STIL: variants seen among roughly 807,000 people sequenced by gnomAD.
STIL encodes SCL-interrupting locus protein.
Under a neutral mutation model 110.1 loss-of-function variants are expected in STIL, and 55 were observed. That is an observed-to-expected ratio of 0.50 (90% CI 0.40 to 0.63). The LOEUF is 0.63. Ranked by LOEUF, STIL falls within the 20% of genes least tolerant of loss-of-function variation. The pLI is 0.00. For synonymous variants in STIL, 481 were observed against 530.0 expected, an observed-to-expected ratio of 0.91 and a Z score of 1.27; for missense variants, 1,358 against 1,530.0, an observed-to-expected ratio of 0.89 and a Z score of 1.87.
rs1189196063 is a variant in STIL, at chr1:47,269,644, G to C, written c.2606C>G (p.Ser869Cys). 6.2e-7 allele frequency: 1 copy of C among 1,614,066 alleles called. No homozygotes were observed. Among genetic ancestry groups the C allele is most frequent in the Non-Finnish European group, 8.5e-7 (1 of 1,179,942 alleles). ...ATCAAAGAGACCTTACTTGGATACA[G>C]AAAGTGGCTGGTTAAATTCTTCTTC... Reference protein sequence around the residue: ...AVEEEFNQPLSVSNSSSLVVR... With the variant: ...AVEEEFNQPLCVSNSSSLVVR... The change falls in exon 14 of 17, where the codon TCT (serine) becomes TGT (cysteine). Residue 869 changes from serine to cysteine, a missense_variant. Physicochemically the swap from Ser to Cys is moderately radical, Grantham distance 112. Coordinates refer to ENST00000371877, the MANE Select transcript of STIL (RefSeq NM_001048166.1).
At chr1:47,312,376 C>A (rs1192353919) in intron 1 of STIL, among the ~76,000 whole-genome samples, 1 of 151,856 alleles carries the variant, frequency 6.6e-6, no homozygotes, top group Admixed American at 6.6e-5. Flanking sequence ...TGTAGTGAAC[C>A]CGGGAGGCGG....
At chr1:47,300,571 G>A (rs1019304884) in intron 5 of STIL, among the ~76,000 whole-genome samples, 1 of 152,020 alleles carries the variant, frequency 6.6e-6, no homozygotes, top group East Asian at 1.9e-4. Context: ...CGGTTCAAGC[G>A]ATTCTCCTGC....
chr1:47,306,054 A>T (rs1645953153), intron 2 of STIL, among the ~76,000 whole-genome samples: 1 of 152,128 alleles, frequency 6.6e-6, no homozygotes, highest in Non-Finnish European at 1.5e-5. Flanking sequence ...TTAAAAAAGA[A>T]AATTCACTTG....
rs372087609 is a variant in STIL at position 47,282,491 on chromosome 1, T to G, written c.1134-32A>C. 4 of 1,331,680 alleles carry G rather than the reference T, an allele frequency of 3.0e-6. No individual in the cohort carries two copies. The African/African-American group carries it at 4.3e-5, about 14-fold the overall frequency. 82.5% of individuals were successfully genotyped at this position (1,331,680 alleles called of 1,614,324 possible). A position where few individuals can be genotyped will look rare whatever the true frequency, so the allele number is the denominator to read the frequency against. On this transcript the variant is annotated intron_variant, in intron 10 of 16. Coordinates refer to ENST00000371877, the MANE Select transcript of STIL (RefSeq NM_001048166.1). ...AATAGAAGGGGAGACCAGAAAAGCC[T>G]TTGGTAATCCAGTGTTTTCTTTCTT...
At position 47,300,475 on chromosome 1, in the gene STIL, T is replaced by C. The variant is rs3122614; in HGVS notation, c.454-323A>G. The stretch of plus-strand genomic sequence containing the variant: ...GGGAAAAAATGGACATAAAATAATT[T>C]TTTTTTTTTTGAGAAGGAGTCTCGT... On this transcript the variant is annotated intron_variant, in intron 5 of 16. Coordinates refer to ENST00000371877, the MANE Select transcript of STIL (RefSeq NM_001048166.1). Among the ~76,000 whole-genome samples the C allele has an allele frequency of 0.087, 7,167 of 82,488 alleles. 574 individuals carry two copies. Among genetic ancestry groups the C allele is most frequent in the African/African-American group, 0.33 (6,667 of 20,152 alleles). 54.1% of individuals were successfully genotyped at this position (82,488 alleles called of 152,430 possible).
At chr1:47,284,129 C>G (rs970336385) in intron 10 of STIL, 1 of 152,136 alleles carries the variant, frequency 6.6e-6, no homozygotes, top group African/African-American at 2.4e-5. Context: ...AACTCCTGAC[C>G]TCAGGTGATC....
intron 8 of STIL, among the ~76,000 whole-genome samples, chr1:47,290,371 TTA>T (rs1198751692): frequency 1.1e-4 from 17 of 152,252 alleles, no homozygotes; most frequent in African/African-American, 2.4e-5. Context: ...GTATTTTACA[TTA>T]TATATATAGA....
intron 14 of STIL, among the ~76,000 whole-genome samples, chr1:47,265,783 C>CAAAAAAAAAAAAAAAAAAAAAAA (rs1179019596): frequency 1.5e-5 from 1 of 65,606 alleles, no homozygotes; most frequent in Non-Finnish European, 2.7e-5. Context: ...AAGACTGTCT[C>CAAAAAAAAAAAAAAAAAAAAAAA]AAAAAAAAAA....
chr1:47,275,801 A>C (rs971024179), intron 12 of STIL, among the ~76,000 whole-genome samples: 2 of 151,542 alleles, frequency 1.3e-5, no homozygotes, highest in Non-Finnish European at 2.9e-5. Context: ...TTTCTTTTTT[A>C]TTTTTTGTAG....
At chr1:47,265,783 CAAAAAAAAAAA>C (rs1179019596) in intron 14 of STIL, among the ~76,000 whole-genome samples, 1 of 65,606 alleles carries the variant, frequency 1.5e-5, no homozygotes, top group Non-Finnish European at 2.7e-5. Flanking sequence ...AAGACTGTCT[CAAAAAAAAAAA>C]AAAAAAAAAA....
chr1:47,277,500 T>C (rs1353647889), intron 12 of STIL, among the ~76,000 whole-genome samples: 1 of 152,114 alleles, frequency 6.6e-6, no homozygotes, highest in Non-Finnish European at 1.5e-5. Context: ...CGGTATGGTG[T>C]TTCCAAGTAT....
At chr1:47,313,580 T>C (rs1646202796) in intron 1 of STIL, among the ~76,000 whole-genome samples, 1 of 139,124 alleles carries the variant, frequency 7.2e-6, no homozygotes, top group Non-Finnish European at 1.6e-5. Flanking sequence ...TCACTTCCTC[T>C]GTGAAACCTT....
rs779837941 is a variant in STIL, at chr1:47,302,271, C to G, written c.228G>C (p.Ser76=). The G allele has an allele frequency of 1.9e-6, 3 of 1,613,800 alleles. No individual in the cohort carries two copies. The African/African-American group carries it at 4.0e-5, about 22-fold the overall frequency. ...TCAGAGAACCAAGTAAAAAGCATGA[C>G]GAATTTTTTTTATTCTGCTTAGCAT... ...YRHAKQNKKN[S]SCFLLGSLTA... Residue 76 remains serine (S), a synonymous_variant, in exon 4 of 17, where the codon TCG becomes TCC. Coordinates refer to ENST00000371877, the MANE Select transcript of STIL (RefSeq NM_001048166.1).
At chr1:47,255,550 CAAAAAAA>C (rs60137249) in intron 16 of STIL, among the ~76,000 whole-genome samples, 1 of 123,540 alleles carries the variant, frequency 8.1e-6, no homozygotes. Flanking sequence ...CCCTGTCTCT[CAAAAAAA>C]AAAAAAAAAA....
intron 2 of STIL, among the ~76,000 whole-genome samples, chr1:47,306,746 C>A (rs564262427): frequency 6.6e-6 from 1 of 152,162 alleles, no homozygotes; most frequent in Non-Finnish European, 1.5e-5. Context: ...AATTCCTCAA[C>A]AAAGATGCCA....
chr1:47,293,607 C>T, intron 7 of STIL, 63 bp from the exon 8 acceptor site: 1 of 1,334,552 alleles, frequency 7.5e-7, no homozygotes. Context: ...AATTTACATT[C>T]TTCCTAAGAT....
intron 2 of STIL, 129 bp downstream of exon 2, chr1:47,310,147 G>C (rs1646079891): frequency 3.9e-6 from 3 of 773,960 alleles, no homozygotes; most frequent in African/African-American, 1.7e-5. Flanking sequence ...CACCTAACAA[G>C]TGGTAGAGCT....
Position 47,269,860 on chromosome 1 carries a change from C to T in STIL, c.2390G>A (p.Ser797Asn). The T allele has an allele frequency of 6.2e-7, 1 of 1,613,760 alleles. No individual in the cohort carries two copies. The highest frequency in any genetic ancestry group is 1.1e-5 in the South Asian group (1 of 91,064). The change falls in exon 14 of 17, where the codon AGC (serine) becomes AAC (asparagine). Residue 797 changes from serine (S) to asparagine (N), a missense_variant. Transcript: ENST00000371877. ...CTCACCTGCTGCATTCCAAAACAAG[C>T]TAGCACCTGGAGGTTAAATAATTTA... is the stretch of plus-strand genomic sequence containing the variant. Reference protein sequence around the residue: ...GVSIAVSTGASLFWNAAGEDQ... With the variant: ...GVSIAVSTGANLFWNAAGEDQ...
intron 12 of STIL, among the ~76,000 whole-genome samples, chr1:47,277,292 T>C (rs1428787036): frequency 2.0e-5 from 3 of 152,036 alleles, no homozygotes; most frequent in African/African-American, 7.3e-5. Context: ...AGCTGAAGTG[T>C]AGTGAACACA....
Sources: allele counts gnomAD v4.1 joint callset (sites outside exome capture counted in the v4.1 genomes callset), GRCh38; gene constraint gnomAD v4.1.1; transcripts MANE v1.5; gene names NCBI Gene and HGNC (gene_info 2026-07-23, HGNC 2026-07-21).